Variants in SENP7 observed in about 807,000 individuals in gnomAD.
The protein encoded by SENP7 is sentrin-specific protease 7.
SENP7 carries 64 observed loss-of-function variants against 141.2 expected under a neutral mutation model. The ratio of observed to expected loss-of-function variants is 0.45; its 90% CI spans 0.37 to 0.56. The LOEUF is 0.56. Among genes scored for constraint, SENP7 ranks in the 20% least tolerant of loss-of-function variants. The pLI is 0.00. For synonymous variants in SENP7, 382 were observed against 426.4 expected, an observed-to-expected ratio of 0.90 and a Z score of 1.28; for missense variants, 1,025 against 1,212.2, an observed-to-expected ratio of 0.85 and a Z score of 2.29.
At chr3:101,402,001 CAAAAAA>C (rs35310049) in intron 5 of SENP7, among the ~76,000 whole-genome samples, 1 of 108,802 alleles carries the variant, frequency 9.2e-6, no homozygotes. Flanking sequence ...GACCCTGCCT[CAAAAAA>C]AAAAAAAAAA....
At chr3:101,412,506 T>G (rs2061483854) in intron 5 of SENP7, among the ~76,000 whole-genome samples, 1 of 152,072 alleles carries the variant, frequency 6.6e-6, no homozygotes, top group African/African-American at 2.4e-5. Context: ...CACTGCAATA[T>G]CCAAATAGTT....
Position 101,332,717 on chromosome 3 carries a change from A to C in SENP7, c.2573+53T>G, listed in dbSNP as rs1159423749. Reference sequence around the variant, plus strand: ...GATTATGAATCTAAAAACACTACAAAATTTTTTTCTGAATTCTTTCCAATA... The same window carrying C: ...GATTATGAATCTAAAAACACTACAACATTTTTTTCTGAATTCTTTCCAATA... On this transcript the variant is annotated intron_variant, in intron 18 of 23. Coordinates refer to ENST00000394095, the MANE Select transcript of SENP7 (RefSeq NM_020654.5). The C allele has an allele frequency of 7.1e-6, 9 of 1,261,448 alleles. No individual in the cohort carries two copies. In the Admixed American group the frequency reaches 1.7e-4, roughly 24 times the overall value. The allele number at this position is 1,261,448 out of a possible 1,614,324, so 78.1% of individuals were successfully genotyped here. A position where few individuals can be genotyped will look rare whatever the true frequency, so the allele number is the denominator to read the frequency against.
Position 101,466,424 on chromosome 3 carries a change from C to T in SENP7, c.187-7372G>A, listed in dbSNP as rs374483430. Among the ~76,000 whole-genome samples the T allele has an allele frequency of 4.6e-5, 7 of 152,108 alleles. No homozygotes were observed. In the East Asian group the frequency reaches 7.7e-4, roughly 17 times the overall value. On this transcript the variant is annotated intron_variant, in intron 3 of 23. Transcript: ENST00000394095. ...ATAAGATTAAAAACAAATTTCTCAG[C>T]AGAAACCTTACAGGCATATGATGAT...
intron 5 of SENP7, among the ~76,000 whole-genome samples, chr3:101,405,682 T>C (rs1471622661): frequency 1.3e-5 from 2 of 152,124 alleles, no homozygotes; most frequent in Non-Finnish European, 2.9e-5. Flanking sequence ...CAAAAAATGA[T>C]ACAAGAGGTG....
chr3:101,407,886 GA>G (rs917687706), intron 5 of SENP7, among the ~76,000 whole-genome samples: 2 of 151,680 alleles, frequency 1.3e-5, no homozygotes, highest in African/African-American at 4.8e-5. Flanking sequence ...AGAGAAACAA[GA>G]ACAAATCAAA....
chr3:101,467,072 T>C (rs893307824), intron 3 of SENP7, among the ~76,000 whole-genome samples: 16 of 152,222 alleles, frequency 1.1e-4, no homozygotes, highest in African/African-American at 3.1e-4. Context: ...CACAAAGCCT[T>C]GCTCACTGCT....
chr3:101,380,445 C>A (rs59097333), intron 6 of SENP7, among the ~76,000 whole-genome samples: 2,162 of 128,852 alleles, frequency 0.017, 105 homozygotes, highest in African/African-American at 0.048. Context: ...GCCCCCCCCC[C>A]CACACACACA....
intron 4 of SENP7, among the ~76,000 whole-genome samples, chr3:101,444,742 T>TG (rs1221569788): frequency 1.8e-5 from 1 of 56,134 alleles, no homozygotes; most frequent in Non-Finnish European, 3.3e-5. Flanking sequence ...GGGACTGTTG[T>TG]GGGGTGGGGG....
chr3:101,487,568 T>G (rs1187547238), intron 3 of SENP7, among the ~76,000 whole-genome samples: 1 of 152,200 alleles, frequency 6.6e-6, no homozygotes, highest in Non-Finnish European at 1.5e-5. Context: ...TCCTAGGTAT[T>G]TTTCCTAAGA....
At position 101,341,790 on chromosome 3, in the gene SENP7, G is replaced by C; in HGVS notation, c.2107-11C>G. 6.3e-7 allele frequency: 1 copy of C among 1,574,864 alleles called. No homozygotes were observed. The highest frequency in any genetic ancestry group is 8.7e-7 in the Non-Finnish European group (1 of 1,151,386). On this transcript the variant is annotated splice_polypyrimidine_tract_variant and intron_variant, in intron 14 of 23. Transcript: ENST00000394095. ...ATCTGTGTTTGAGGGCTGACAGAAA[G>C]TGGCAAGAAAAAGGGTCTCAAACAT...
intron 19 of SENP7, 113 bp from the exon 20 acceptor site, chr3:101,330,499 T>C (rs2059021030): frequency 1.8e-6 from 1 of 550,652 alleles, no homozygotes; most frequent in Non-Finnish European, 3.1e-6. Flanking sequence ...ACAGTAAAAA[T>C]ACTTGAGATT....
chr3:101,449,139 A>T (rs189715797), intron 4 of SENP7, among the ~76,000 whole-genome samples: 47 of 152,304 alleles, frequency 3.1e-4, no homozygotes, highest in African/African-American at 1.0e-3. Context: ...ATGGAACATG[A>T]AATGAATGAA....
chr3:101,448,486 C>T (rs13317377), intron 4 of SENP7, among the ~76,000 whole-genome samples: 60,324 of 151,946 alleles, frequency 0.4, 12,478 homozygotes, highest in Admixed American at 0.54. Flanking sequence ...ACCCTGTTTC[C>T]CTGAGTATCA....
intron 11 of SENP7, chr3:101,357,623 C>A: frequency 5.7e-6 from 5 of 870,464 alleles, no homozygotes; most frequent in Non-Finnish European, 9.5e-6. Context: ...GTGTAAGGTG[C>A]ACAAAAGCGG....
At chr3:101,453,558 C>T (rs1425454155) in intron 4 of SENP7, among the ~76,000 whole-genome samples, 1 of 152,166 alleles carries the variant, frequency 6.6e-6, no homozygotes, top group Non-Finnish European at 1.5e-5. Flanking sequence ...GAGTTCATGT[C>T]CTTTGTAGGG....
chr3:101,501,872 C>A (rs1048743219), intron 1 of SENP7, among the ~76,000 whole-genome samples: 1 of 152,150 alleles, frequency 6.6e-6, no homozygotes, highest in Non-Finnish European at 1.5e-5. Context: ...AAATGCACGA[C>A]TGCAATTCCA....
intron 3 of SENP7, among the ~76,000 whole-genome samples, chr3:101,467,473 C>T (rs1228350227): frequency 2.0e-5 from 3 of 152,192 alleles, no homozygotes; most frequent in East Asian, 3.9e-4. Context: ...CCCTCTGGGA[C>T]GAAGCTTCCA....
At chr3:101,354,955 T>C (rs145492556) in intron 11 of SENP7, among the ~76,000 whole-genome samples, 2 of 152,168 alleles carry the variant, frequency 1.3e-5, no homozygotes, top group Non-Finnish European at 2.9e-5. Context: ...TGGTTTTGAT[T>C]TGGATTTCTC....
intron 4 of SENP7, among the ~76,000 whole-genome samples, chr3:101,458,188 T>A (rs898816524): frequency 2.0e-5 from 3 of 152,168 alleles, no homozygotes; most frequent in Non-Finnish European, 4.4e-5. Context: ...AATATATGTT[T>A]ATATTTCCTA....
Sources: gnomAD v4.1 joint callset for allele counts (sites outside exome capture counted in the v4.1 genomes callset) on GRCh38, gnomAD v4.1.1 for gene constraint, MANE v1.5 for transcripts, NCBI Gene and HGNC (gene_info 2026-07-23, HGNC 2026-07-21) for gene names.